Variants in NLGN4Y observed in about 807,000 individuals in gnomAD.
The protein encoded by NLGN4Y is neuroligin-4, Y-linked.
NLGN4Y carries 4 observed loss-of-function variants against 8.4 expected under a neutral mutation model. The ratio of observed to expected loss-of-function variants is 0.48; its 90% confidence interval spans 0.23 to 1.09. The LOEUF (loss-of-function observed/expected upper bound fraction) is 1.09, where lower values mean the gene tolerates loss of function less well. NLGN4Y is among the 50% of genes least tolerant of loss of function. NLGN4Y has a pLI of 0.19. For missense variants in NLGN4Y, 90 were observed against 192.3 expected (o/e 0.47, Z 3.15); for synonymous variants, 35 against 75.6 (o/e 0.46, Z 2.78).
At chrY:14,522,624 A>G (rs2080078476), upstream of NLGN4Y, 2 of 33,551 alleles carry the variant, frequency 6.0e-5, no homozygotes, top group Non-Finnish European at 1.5e-4. Context: ...TTGCAGAGAC[A>G]TCTTTCTCCC....
intron 4 of NLGN4Y, among the ~76,000 whole-genome samples, chrY:14,789,497 G>C: frequency 6.1e-5 from 2 of 32,861 alleles, no homozygotes; most frequent in African/African-American, 2.4e-4. Flanking sequence ...TGGCTCATGT[G>C]ATCCTCCCAC....
intron 2 of NLGN4Y, among the ~76,000 whole-genome samples, chrY:14,642,429 G>C: frequency 5.9e-5 from 2 of 33,885 alleles, no homozygotes; most frequent in Non-Finnish European, 1.5e-4. Context: ...ACATTGGTTG[G>C]CATGCAGCTA....
At chrY:14,702,689 G>T in intron 2 of NLGN4Y, among the ~76,000 whole-genome samples, 1 of 33,124 alleles carries the variant, frequency 3.0e-5, no homozygotes, top group African/African-American at 1.2e-4. Flanking sequence ...TAATGGGATT[G>T]CTGGGTCAAT....
At chrY:14,566,403 C>G (rs2080251732) in intron 1 of NLGN4Y, among the ~76,000 whole-genome samples, 1 of 33,149 alleles carries the variant, frequency 3.0e-5, no homozygotes, top group Non-Finnish European at 7.4e-5. Context: ...TTTAAACCAA[C>G]AAAGATCAAA....
chrY:14,668,727 T>C, intron 2 of NLGN4Y, among the ~76,000 whole-genome samples: 1 of 32,822 alleles, frequency 3.0e-5, no homozygotes, highest in Non-Finnish European at 7.5e-5. Flanking sequence ...CAGTTCTTCA[T>C]GCTGTATAGG....
At chrY:14,831,332 T>A (rs1055475476) in intron 6 of NLGN4Y, among the ~76,000 whole-genome samples, 23 of 32,156 alleles carry the variant, frequency 7.2e-4, no homozygotes, top group Non-Finnish European at 1.5e-4. Flanking sequence ...ACCCAGCTAA[T>A]TTTAAAATTT....
intron 2 of NLGN4Y, among the ~76,000 whole-genome samples, chrY:14,627,104 T>C: frequency 3.4e-5 from 1 of 29,805 alleles, no homozygotes; most frequent in African/African-American, 1.3e-4. Flanking sequence ...AGAATGGTGT[T>C]AACCTAGGAG....
At chrY:14,810,131 C>G in intron 4 of NLGN4Y, among the ~76,000 whole-genome samples, 1 of 33,458 alleles carries the variant, frequency 3.0e-5, no homozygotes, top group South Asian at 6.7e-4. Flanking sequence ...CACTAGGATG[C>G]AGACCCAGGG....
In NLGN4Y at chrY:14,827,337, T is replaced by C. The variant is rs757514354; in HGVS notation, c.872-2393T>C. On this transcript the variant is annotated intron_variant, in intron 5 of 6. Coordinates refer to ENST00000684976, the MANE Select transcript of NLGN4Y (RefSeq NM_001365588.1). ...CAGTCAGAACCAACTTCAGGAGTAA[T>C]GAAACACATGTAAGCCACACTAATT... is the stretch of plus-strand genomic sequence containing the variant. Among the ~76,000 whole-genome samples the C allele has an allele frequency of 8.8e-5, 3 of 33,946 alleles. No individual in the cohort carries two copies. In the South Asian group the frequency reaches 2.0e-3, roughly 22 times the overall value. 91.1% of individuals were successfully genotyped at this position (33,946 alleles called of 37,273 possible).
intron 2 of NLGN4Y, among the ~76,000 whole-genome samples, chrY:14,666,935 A>G: frequency 3.1e-5 from 1 of 32,321 alleles, no homozygotes; most frequent in South Asian, 7.0e-4. Flanking sequence ...GCAACACCCC[A>G]AAGTCTCTCA....
intron 1 of NLGN4Y, among the ~76,000 whole-genome samples, chrY:14,573,708 T>C: frequency 3.0e-5 from 1 of 33,786 alleles, no homozygotes; most frequent in African/African-American, 1.2e-4. Flanking sequence ...ATTTTAGATT[T>C]TTCCTGCTTT....
At chrY:14,576,661 C>T in intron 1 of NLGN4Y, among the ~76,000 whole-genome samples, 1 of 33,664 alleles carries the variant, frequency 3.0e-5, no homozygotes. Context: ...CCATGTTCTG[C>T]ATCGCTTATG....
chrY:14,558,643 A>G, intron 1 of NLGN4Y, among the ~76,000 whole-genome samples: 1 of 33,374 alleles, frequency 3.0e-5, no homozygotes, highest in African/African-American at 1.2e-4. Flanking sequence ...ACACACATAT[A>G]CATGCACACA....
intron 2 of NLGN4Y, among the ~76,000 whole-genome samples, chrY:14,697,993 G>A (rs772902572): frequency 9.1e-5 from 3 of 32,964 alleles, no homozygotes; most frequent in East Asian, 1.6e-3. Context: ...ATTTTGTGGC[G>A]CTGAAATAGG....
intron 2 of NLGN4Y, among the ~76,000 whole-genome samples, chrY:14,633,824 A>G: frequency 1.5e-4 from 5 of 33,813 alleles, no homozygotes; most frequent in Admixed American, 1.3e-3. Context: ...ATGTTAATCC[A>G]ATGACTTTAT....
chrY:14,802,956 T>G, intron 4 of NLGN4Y, among the ~76,000 whole-genome samples: 1 of 22,684 alleles, frequency 4.4e-5, no homozygotes, highest in South Asian at 8.2e-4. Context: ...ATAACATAAT[T>G]TAAATATAAA....
chrY:14,647,924 T>A, intron 2 of NLGN4Y, among the ~76,000 whole-genome samples: 1 of 34,536 alleles, frequency 2.9e-5, no homozygotes, highest in Admixed American at 2.6e-4. Context: ...ATTTGATTTA[T>A]TACTTTACAC....
intron 2 of NLGN4Y, among the ~76,000 whole-genome samples, chrY:14,665,169 T>C (rs2080688152): frequency 3.0e-5 from 1 of 33,566 alleles, no homozygotes; most frequent in African/African-American, 1.2e-4. Context: ...ACCTAAACAC[T>C]ATGAGCAACT....
At chrY:14,759,935 G>A (rs2081075467) in intron 4 of NLGN4Y, among the ~76,000 whole-genome samples, 1 of 33,547 alleles carries the variant, frequency 3.0e-5, no homozygotes, top group South Asian at 6.7e-4. Flanking sequence ...AGTGCCAGCT[G>A]TTGATTAGTA....
Sources: allele counts gnomAD v4.1 joint callset (sites outside exome capture counted in the v4.1 genomes callset), GRCh38; gene constraint gnomAD v4.1.1; transcripts MANE v1.5; gene names NCBI Gene and HGNC (gene_info 2026-07-23, HGNC 2026-07-21).